TMEM108: variants seen among roughly 807,000 people sequenced by gnomAD.
TMEM108 encodes transmembrane protein 108.
Under a neutral mutation model 35.1 loss-of-function variants are expected in TMEM108, and 12 were observed. That is an observed-to-expected ratio of 0.34 (90% CI 0.22 to 0.55). The LOEUF (loss-of-function observed/expected upper bound fraction) is 0.55, where lower values mean the gene tolerates loss of function less well. Among genes scored for constraint, TMEM108 ranks in the 20% least tolerant of loss-of-function variants. The probability of loss-of-function intolerance (pLI) is 0.89; values close to 1 mark genes in which losing one functional copy is unlikely to be tolerated. For synonymous variants in TMEM108, 287 were observed against 308.6 expected, an observed-to-expected ratio of 0.93 and a Z score of 0.73; for missense variants, 680 against 753.3, an observed-to-expected ratio of 0.90 and a Z score of 1.14.
chr3:133,336,834 C>A (rs1471418008), intron 3 of TMEM108, among the ~76,000 whole-genome samples: 1 of 152,038 alleles, frequency 6.6e-6, no homozygotes, highest in African/African-American at 2.4e-5. Context: ...AAGGGTGAGT[C>A]CCCAGGCCAG....
intron 2 of TMEM108, among the ~76,000 whole-genome samples, chr3:133,220,014 A>G (rs1439978786): frequency 6.6e-6 from 1 of 150,740 alleles, no homozygotes; most frequent in Non-Finnish European, 1.5e-5. Context: ...ATATGTATTT[A>G]TAATTGTTAT....
At chr3:133,231,278 C>G (rs760028832) in intron 3 of TMEM108, among the ~76,000 whole-genome samples, 2 of 151,966 alleles carry the variant, frequency 1.3e-5, no homozygotes, top group Non-Finnish European at 2.9e-5. Context: ...ATTGAGTATT[C>G]TGGTTTTTCA....
At chr3:133,282,230 GC>G (rs1355857602) in intron 3 of TMEM108, among the ~76,000 whole-genome samples, 3 of 152,236 alleles carry the variant, frequency 2.0e-5, no homozygotes, top group Non-Finnish European at 4.4e-5. Context: ...TTTGACTCCA[GC>G]TGAGTTTTCT....
chr3:133,372,679 T>G (rs1372401680), intron 3 of TMEM108, among the ~76,000 whole-genome samples: 2 of 152,232 alleles, frequency 1.3e-5, no homozygotes, highest in African/African-American at 4.8e-5. Flanking sequence ...GTCTAGCTGT[T>G]GAACCAGTAA....
At chr3:133,179,384 T>C (rs1184204079) in intron 2 of TMEM108, among the ~76,000 whole-genome samples, 2 of 152,132 alleles carry the variant, frequency 1.3e-5, no homozygotes, top group South Asian at 2.1e-4. Context: ...CTATTCACAA[T>C]AGCAAAGACT....
chr3:133,352,423 T>C (rs945075910), intron 3 of TMEM108, among the ~76,000 whole-genome samples: 2 of 152,164 alleles, frequency 1.3e-5, no homozygotes, highest in African/African-American at 4.8e-5. Context: ...TTTAACTCAA[T>C]TTTTATACTG....
intron 3 of TMEM108, among the ~76,000 whole-genome samples, chr3:133,335,594 A>C (rs1035855321): frequency 1.3e-5 from 2 of 152,248 alleles, no homozygotes; most frequent in Non-Finnish European, 2.9e-5. Flanking sequence ...TATGGAATCA[A>C]AATTAAATAA....
At chr3:133,330,821 A>G (rs972376852) in intron 3 of TMEM108, among the ~76,000 whole-genome samples, 1 of 152,184 alleles carries the variant, frequency 6.6e-6, no homozygotes, top group Non-Finnish European at 1.5e-5. Context: ...AGAGTATATC[A>G]GGCTAAGAGG....
intron 3 of TMEM108, among the ~76,000 whole-genome samples, chr3:133,240,798 G>A (rs1262740382): frequency 1.3e-5 from 2 of 152,166 alleles, no homozygotes; most frequent in African/African-American, 4.8e-5. Flanking sequence ...AGAGTTAAAT[G>A]GGTAGGGTAT....
intron 2 of TMEM108, among the ~76,000 whole-genome samples, chr3:133,114,318 A>G (rs1944261688): frequency 6.6e-6 from 1 of 152,206 alleles, no homozygotes; most frequent in Non-Finnish European, 1.5e-5. Flanking sequence ...AAACCCTAGA[A>G]TCTATGGCAA....
intron 2 of TMEM108, among the ~76,000 whole-genome samples, chr3:133,047,002 A>G (rs920569819): frequency 1.3e-5 from 2 of 152,314 alleles, no homozygotes; most frequent in South Asian, 4.1e-4. Flanking sequence ...GTGGCTCAGT[A>G]ATGAGTACAA....
At chr3:133,040,930 T>C (rs1054677963) in intron 1 of TMEM108, among the ~76,000 whole-genome samples, 1 of 152,174 alleles carries the variant, frequency 6.6e-6, no homozygotes, top group Admixed American at 6.5e-5. Flanking sequence ...GCCTAAGCAG[T>C]AGTGTCCTCT....
intron 2 of TMEM108, among the ~76,000 whole-genome samples, chr3:133,147,213 T>C (rs1350057389): frequency 6.6e-6 from 1 of 152,212 alleles, no homozygotes; most frequent in Non-Finnish European, 1.5e-5. Flanking sequence ...TTAATTTTGT[T>C]ATTTACTCAG....
At chr3:133,142,773 A>G (rs2107757648) in intron 2 of TMEM108, among the ~76,000 whole-genome samples, 1 of 152,302 alleles carries the variant, frequency 6.6e-6, no homozygotes, top group African/African-American at 2.4e-5. Context: ...AGTGTAGTAT[A>G]ATTATAACTA....
intron 2 of TMEM108, among the ~76,000 whole-genome samples, chr3:133,221,660 C>CTTTTTTTTTTTTTTTTTTTT (rs3078806): frequency 3.3e-5 from 2 of 60,354 alleles, no homozygotes; most frequent in East Asian, 6.1e-4. Context: ...ACATTGATTC[C>CTTTTTTTTTTTTTTTTTTTT]TTTTTTTTTT....
intron 3 of TMEM108, among the ~76,000 whole-genome samples, chr3:133,269,238 AAG>A (rs879573704): frequency 3.3e-5 from 5 of 152,324 alleles, no homozygotes; most frequent in Admixed American, 1.3e-4. Context: ...GAAATAGAGA[AAG>A]AGGGGGAGGG....
intron 3 of TMEM108, among the ~76,000 whole-genome samples, chr3:133,308,544 T>C (rs190757074): frequency 1.0e-3 from 154 of 152,286 alleles, no homozygotes; most frequent in African/African-American, 3.7e-3. Context: ...CATCAATACC[T>C]AGTTTATTGA....
At chr3:133,086,602 C>G (rs769254062) in intron 2 of TMEM108, among the ~76,000 whole-genome samples, 7 of 152,130 alleles carry the variant, frequency 4.6e-5, no homozygotes, top group Non-Finnish European at 1.0e-4. Context: ...CCATGTGAAA[C>G]AGGCCCTCTC....
intron 3 of TMEM108, among the ~76,000 whole-genome samples, chr3:133,301,012 AC>A (rs1947217658): frequency 1.5e-5 from 1 of 68,468 alleles, no homozygotes; most frequent in Non-Finnish European, 3.8e-5. Flanking sequence ...ACACACACAC[AC>A]ACACACACAC....
Sources: allele counts gnomAD v4.1 joint callset (sites outside exome capture counted in the v4.1 genomes callset), GRCh38; gene constraint gnomAD v4.1.1; transcripts MANE v1.5; gene names NCBI Gene and HGNC (gene_info 2026-07-23, HGNC 2026-07-21).